ARHGAP31: variants seen among roughly 807,000 people sequenced by gnomAD.
ARHGAP31 encodes the protein rho GTPase-activating protein 31.
In ARHGAP31, 34 loss-of-function variants were observed where a neutral mutation model predicts 113.9. That is an observed-to-expected ratio of 0.30 (90% CI 0.23 to 0.40). The LOEUF (loss-of-function observed/expected upper bound fraction) is 0.40. ARHGAP31 is among the 10% of genes least tolerant of loss of function. The pLI is 1.00. For synonymous variants in ARHGAP31, 650 were observed against 684.8 expected (o/e 0.95, Z 0.79); for missense variants, 1,548 against 1,767.1 (o/e 0.88, Z 2.22).
chr3:119,341,715 C>T (rs981228137), intron 1 of ARHGAP31: 5 of 151,814 alleles, frequency 3.3e-5, no homozygotes, highest in Middle Eastern at 3.2e-3. Flanking sequence ...TTAGAATGGT[C>T]GTAGTAACTG....
Position 119,416,184 on chromosome 3 carries a change from G to A in ARHGAP31, c.4255G>A (p.Glu1419Lys). The A allele has an allele frequency of 6.2e-7, 1 of 1,614,218 alleles. No individual in the cohort carries two copies. The highest frequency in any genetic ancestry group is 2.2e-5 in the East Asian group (1 of 44,888). ...CATCCCTAAGAATGGCCAGAGACTAGAGACCTCAACCAGCTGTTTTTACCA... is the reference window on the plus strand; with the variant it reads ...CATCCCTAAGAATGGCCAGAGACTAAAGACCTCAACCAGCTGTTTTTACCA... The part of the protein sequence containing the change: ...MTIPKNGQRL[E>K]TSTSCFYQPQ... The change falls in exon 12 of 12, where the codon GAG becomes AAG. Residue 1419 changes from glutamate to lysine, a missense_variant. Physicochemically the swap from Glu to Lys is moderately conservative, Grantham distance 56. Coordinates refer to ENST00000264245, the MANE Select transcript of ARHGAP31 (RefSeq NM_020754.4).
chr3:119,300,809 A>G (rs939789658), intron 1 of ARHGAP31, among the ~76,000 whole-genome samples: 7 of 149,358 alleles, frequency 4.7e-5, no homozygotes, highest in Non-Finnish European at 8.9e-5. Context: ...CCTGGGCGAC[A>G]GAGCCAGACT....
At chr3:119,338,649 A>G (rs1010769147) in intron 1 of ARHGAP31, among the ~76,000 whole-genome samples, 1 of 152,224 alleles carries the variant, frequency 6.6e-6, no homozygotes, top group African/African-American at 2.4e-5. Context: ...ATTGAAGCTC[A>G]GAATTCAAAG....
At chr3:119,392,847 T>C (rs185051060) in intron 7 of ARHGAP31, among the ~76,000 whole-genome samples, 4 of 152,338 alleles carry the variant, frequency 2.6e-5, no homozygotes, top group Admixed American at 1.3e-4. Flanking sequence ...GTGAAAGTCT[T>C]CACCAGCCCT....
At chr3:119,306,888 A>G (rs1309679882) in intron 1 of ARHGAP31, among the ~76,000 whole-genome samples, 1 of 152,226 alleles carries the variant, frequency 6.6e-6, no homozygotes, top group African/African-American at 2.4e-5. Context: ...TATATTGCCC[A>G]ACATTTCAAC....
At position 119,391,604 on chromosome 3, in the gene ARHGAP31, CCG is replaced by C. The variant is rs1225532111; in HGVS notation, c.881+623_881+624del. Among the ~76,000 whole-genome samples, 59 of 113,458 alleles carry C rather than the reference CCG, an allele frequency of 5.2e-4. 1 individual carries two copies. Among genetic ancestry groups the C allele is most frequent in the South Asian group, 3.3e-3 (10 of 3,002 alleles). 74.4% of individuals were successfully genotyped at this position (113,458 alleles called of 152,430 possible). A position where few individuals can be genotyped will look rare whatever the true frequency, so the allele number is the denominator to read the frequency against. On this transcript the variant is annotated intron_variant, in intron 7 of 11. Transcript: ENST00000264245. ...CTGGGTCTCTACCCCCCCCTCCCCC[CCG>C]CCGTCACTCATATCCCATAGTAGAA...
chr3:119,335,473 G>A (rs1229792056), intron 1 of ARHGAP31, among the ~76,000 whole-genome samples: 1 of 152,174 alleles, frequency 6.6e-6, no homozygotes, highest in Non-Finnish European at 1.5e-5. Context: ...ACACTTTGAG[G>A]AGCCCCTAGG....
chr3:119,357,785 G>A (rs930921983), intron 1 of ARHGAP31, among the ~76,000 whole-genome samples: 1 of 152,150 alleles, frequency 6.6e-6, no homozygotes. Context: ...AATGTTCTGA[G>A]CCAGATAATG....
intron 1 of ARHGAP31, among the ~76,000 whole-genome samples, chr3:119,335,988 C>T (rs1402442457): frequency 6.6e-6 from 1 of 152,138 alleles, no homozygotes; most frequent in East Asian, 1.9e-4. Context: ...GCCTAGACAT[C>T]ATGGTGAAAT....
At chr3:119,356,881 T>G (rs1400462333) in intron 1 of ARHGAP31, among the ~76,000 whole-genome samples, 1 of 152,206 alleles carries the variant, frequency 6.6e-6, no homozygotes, top group Non-Finnish European at 1.5e-5. Context: ...ACATGTCACA[T>G]GTACAAGAAT....
Position 119,418,072 on chromosome 3 carries a change from C to G in ARHGAP31, c.*1808C>G, listed in dbSNP as rs1347095965. The G allele has an allele frequency of 1.3e-5, 2 of 152,104 alleles. No individual in the cohort carries two copies. Among genetic ancestry groups the G allele is most frequent in the African/African-American group, 4.8e-5 (2 of 41,400 alleles). The allele number at this position is 152,104 out of a possible 1,614,324, so 9.4% of individuals were successfully genotyped here. A position where few individuals can be genotyped will look rare whatever the true frequency, so the allele number is the denominator to read the frequency against. On this transcript the variant is annotated 3_prime_UTR_variant, in exon 12 of 12. Coordinates refer to ENST00000264245, the MANE Select transcript of ARHGAP31 (RefSeq NM_020754.4). ...TCTCCTCCCTCTCCCTCCCTCCCTC[C>G]CCGCCAATAAGCCTTACAAACAGTT...
At position 119,417,237 on chromosome 3, in the gene ARHGAP31, C is replaced by T. The variant is rs2080786377; in HGVS notation, c.*973C>T. The T allele has an allele frequency of 1.5e-5, 1 of 68,726 alleles. No individual in the cohort carries two copies. The highest frequency in any genetic ancestry group is 5.9e-4 in the South Asian group (1 of 1,688). The allele number at this position is 68,726 out of a possible 1,614,324, so 4.3% of individuals were successfully genotyped here. On this transcript the variant is annotated 3_prime_UTR_variant, in exon 12 of 12. Coordinates refer to ENST00000264245, the MANE Select transcript of ARHGAP31 (RefSeq NM_020754.4). ...TTAATGTGTTTAAATTGGTGGGGCACCAGCAGAAAATATTCTAGCTCAGCT... is the reference window on the plus strand; with the variant it reads ...TTAATGTGTTTAAATTGGTGGGGCATCAGCAGAAAATATTCTAGCTCAGCT...
intron 10 of ARHGAP31, 142 bp downstream of exon 10, chr3:119,402,539 A>G: frequency 1.1e-6 from 1 of 876,762 alleles, no homozygotes; most frequent in Non-Finnish European, 1.8e-6. Context: ...ACGCTCTGCC[A>G]TTTTACTGCG....
intron 1 of ARHGAP31, among the ~76,000 whole-genome samples, chr3:119,352,498 C>T (rs1401804255): frequency 2.0e-5 from 3 of 152,224 alleles, no homozygotes; most frequent in Non-Finnish European, 4.4e-5. Context: ...CCTCTCACTT[C>T]CCCTTTCGTT....
chr3:119,407,949 A>T (rs963756730), intron 10 of ARHGAP31, among the ~76,000 whole-genome samples: 1 of 152,206 alleles, frequency 6.6e-6, no homozygotes, highest in African/African-American at 2.4e-5. Context: ...ACATGTACAG[A>T]TTTTATTCTT....
intron 1 of ARHGAP31, among the ~76,000 whole-genome samples, chr3:119,325,818 A>G (rs1399596039): frequency 6.6e-6 from 1 of 152,096 alleles, no homozygotes; most frequent in Non-Finnish European, 1.5e-5. Flanking sequence ...GTTTTTAAAA[A>G]TTTTTTTTGA....
intron 1 of ARHGAP31, among the ~76,000 whole-genome samples, chr3:119,344,443 G>C (rs185576308): frequency 2.4e-4 from 36 of 152,236 alleles, no homozygotes; most frequent in African/African-American, 8.4e-4. Flanking sequence ...ACTGTGCAGG[G>C]CATGGTGCTG....
chr3:119,379,411 G>A (rs2080376221), intron 3 of ARHGAP31, among the ~76,000 whole-genome samples: 1 of 152,182 alleles, frequency 6.6e-6, no homozygotes, highest in Admixed American at 6.5e-5. Flanking sequence ...TGCTGGTAAA[G>A]TTAATTCCCT....
At position 119,378,487 on chromosome 3, in the gene ARHGAP31, T is replaced by C. The variant is rs139811521; in HGVS notation, c.349-2417T>C. 2.5e-3 allele frequency among the ~76,000 whole-genome samples: 379 copies of C among 152,212 alleles called. 2 individuals carry two copies. The highest frequency in any genetic ancestry group is 8.7e-3 in the African/African-American group (360 of 41,522). ...AGCTTCCTAAAATATTAAGGAACTT[T>C]CCATGAGGGTTGTTAAATTGACCTA... On this transcript the variant is annotated intron_variant, in intron 3 of 11. Coordinates refer to ENST00000264245, the MANE Select transcript of ARHGAP31 (RefSeq NM_020754.4).
Sources: gnomAD v4.1 joint callset for allele counts (sites outside exome capture counted in the v4.1 genomes callset) on GRCh38, gnomAD v4.1.1 for gene constraint, MANE v1.5 for transcripts, NCBI Gene and HGNC (gene_info 2026-07-23, HGNC 2026-07-21) for gene names.